The following RPS6KC1 variants were observed in gnomAD, a reference collection of about 807,000 sequenced individuals.
RPS6KC1 encodes ribosomal protein S6 kinase C1.
RPS6KC1 carries 54 observed loss-of-function variants against 103.8 expected under a neutral mutation model. The ratio of observed to expected loss-of-function variants is 0.52; its 90% CI spans 0.42 to 0.65. RPS6KC1 has a LOEUF of 0.65. Among genes scored for constraint, RPS6KC1 ranks in the 30% least tolerant of loss-of-function variants. RPS6KC1 has a pLI of 0.00. For missense variants in RPS6KC1, 1,151 were observed against 1,253.8 expected, an observed-to-expected ratio of 0.92 and a Z score of 1.24; for synonymous variants, 439 against 438.7, an observed-to-expected ratio of 1.00 and a Z score of -0.01.
At chr1:213,844,282 C>T in the RPS6KC1 span, among the ~76,000 whole-genome samples, 495 of 152,180 alleles carry the variant, frequency 3.3e-3, 1 homozygote, top group African/African-American at 0.011. Flanking sequence ...TTAGCTTTTG[C>T]CACTGCCAAC....
the RPS6KC1 span, among the ~76,000 whole-genome samples, chr1:213,676,147 A>T: frequency 6.6e-6 from 1 of 152,156 alleles, no homozygotes; most frequent in Non-Finnish European, 1.5e-5. Context: ...CTCTTGCTGT[A>T]ACAAATTTCT....
At chr1:213,552,438 T>G in the RPS6KC1 span, among the ~76,000 whole-genome samples, 1 of 152,236 alleles carries the variant, frequency 6.6e-6, no homozygotes, top group African/African-American at 2.4e-5. Context: ...GGCATCTCAT[T>G]GTTTTAATTA....
At chr1:213,375,092 C>T in the RPS6KC1 span, among the ~76,000 whole-genome samples, 4,487 of 151,704 alleles carry the variant, frequency 0.03, 96 homozygotes, top group Non-Finnish European at 0.034. Flanking sequence ...CACACATCTA[C>T]GCATATATAA....
chr1:213,359,761 A>G, the RPS6KC1 span, among the ~76,000 whole-genome samples: 1 of 152,214 alleles, frequency 6.6e-6, no homozygotes, highest in African/African-American at 2.4e-5. Context: ...GGTAGTGACA[A>G]AATCTCTCAG....
the RPS6KC1 span, among the ~76,000 whole-genome samples, chr1:213,298,097 C>T: frequency 6.6e-6 from 1 of 152,258 alleles, no homozygotes; most frequent in Non-Finnish European, 1.5e-5. Context: ...CATCTTCAGC[C>T]TGGCTGCAGG....
chr1:213,423,729 T>C, the RPS6KC1 span, among the ~76,000 whole-genome samples: 1 of 152,044 alleles, frequency 6.6e-6, no homozygotes. Context: ...TCTTTCCTTA[T>C]TTTGCCTTTA....
chr1:213,620,576 AGAG>A, the RPS6KC1 span, among the ~76,000 whole-genome samples: 32 of 152,260 alleles, frequency 2.1e-4, no homozygotes, highest in Non-Finnish European at 4.0e-4. Context: ...CCCAGAATTA[AGAG>A]GAGGAGAGAA....
chr1:213,723,503 C>T, the RPS6KC1 span, among the ~76,000 whole-genome samples: 1 of 152,122 alleles, frequency 6.6e-6, no homozygotes, highest in African/African-American at 2.4e-5. Context: ...GTTTCCTAAT[C>T]TCTTCTTCTT....
intron 8 of RPS6KC1, among the ~76,000 whole-genome samples, chr1:213,189,596 T>C (rs2092676404): frequency 6.6e-6 from 1 of 152,116 alleles, no homozygotes; most frequent in Non-Finnish European, 1.5e-5. Context: ...TGTGTAATAA[T>C]CATATCAAGG....
At chr1:213,707,222 CT>C in the RPS6KC1 span, among the ~76,000 whole-genome samples, 1 of 152,252 alleles carries the variant, frequency 6.6e-6, no homozygotes, top group East Asian at 1.9e-4. Context: ...TGTTTCCGGA[CT>C]TTTTAATGAT....
At chr1:213,447,456 C>T in the RPS6KC1 span, among the ~76,000 whole-genome samples, 1 of 152,110 alleles carries the variant, frequency 6.6e-6, no homozygotes, top group Non-Finnish European at 1.5e-5. Context: ...TAACAATACC[C>T]AAAATATTGT....
At chr1:213,798,388 C>T in the RPS6KC1 span, among the ~76,000 whole-genome samples, 1,841 of 152,304 alleles carry the variant, frequency 0.012, 23 homozygotes, top group Non-Finnish European at 0.019. Flanking sequence ...TCCCCATCTG[C>T]TTGGTCTGTA....
the RPS6KC1 span, among the ~76,000 whole-genome samples, chr1:213,748,639 GT>G: frequency 6.6e-6 from 1 of 152,170 alleles, no homozygotes; most frequent in African/African-American, 2.4e-5. Flanking sequence ...TTCATTTTGT[GT>G]TCTAGAATTA....
chr1:213,663,421 A>G, the RPS6KC1 span, among the ~76,000 whole-genome samples: 2 of 152,208 alleles, frequency 1.3e-5, no homozygotes, highest in Non-Finnish European at 2.9e-5. Context: ...ACTGGAATTG[A>G]GAACTCATCA....
chr1:213,071,074 T>C (rs1336970783), intron 2 of RPS6KC1, 33 bp downstream of exon 2: 7 of 1,361,164 alleles, frequency 5.1e-6, no homozygotes, highest in Middle Eastern at 2.0e-4. Context: ...ATTTTATGTA[T>C]TTGATAAAAA....
At chr1:213,407,428 G>C in the RPS6KC1 span, among the ~76,000 whole-genome samples, 4 of 152,162 alleles carry the variant, frequency 2.6e-5, no homozygotes, top group Admixed American at 1.3e-4. Flanking sequence ...AGAAGGGACT[G>C]AGAGTGAGCG....
the RPS6KC1 span, among the ~76,000 whole-genome samples, chr1:213,802,428 C>A: frequency 1.1e-4 from 17 of 152,176 alleles, 1 homozygote; most frequent in Admixed American, 6.5e-4. Context: ...GGTAAAGATT[C>A]TCAGTACCAG....
chr1:213,675,848 G>A, the RPS6KC1 span, among the ~76,000 whole-genome samples: 98,349 of 152,004 alleles, frequency 0.65, 32,306 homozygotes, highest in South Asian at 0.82. Flanking sequence ...CTGCACTCCA[G>A]CCTGGGAAAC....
the RPS6KC1 span, among the ~76,000 whole-genome samples, chr1:213,516,015 GATTTGGCT>G: frequency 6.6e-6 from 1 of 152,164 alleles, no homozygotes; most frequent in African/African-American, 2.4e-5. Flanking sequence ...TTTCACTCAT[GATTTGGCT>G]CTCTGTTTGT....
Sources: gnomAD v4.1 joint callset for allele counts (sites outside exome capture counted in the v4.1 genomes callset) on GRCh38, gnomAD v4.1.1 for gene constraint, MANE v1.5 for transcripts, NCBI Gene and HGNC (gene_info 2026-07-23, HGNC 2026-07-21) for gene names.